The following AAK1 variants were observed in gnomAD, a reference collection of about 807,000 sequenced individuals.
The protein encoded by AAK1 is AP2-associated protein kinase 1.
In AAK1, 37 loss-of-function variants were observed where a neutral mutation model predicts 116.0. The observed-to-expected ratio is 0.32, with a 90% CI of 0.25 to 0.42. AAK1 has a LOEUF of 0.42. Among genes scored for constraint, AAK1 ranks in the 10% least tolerant of loss-of-function variants. AAK1 has a pLI of 1.00. For synonymous variants in AAK1, 458 were observed against 439.9 expected (o/e 1.04, Z -0.51); for missense variants, 919 against 1,170.6 (o/e 0.79, Z 3.14).
chr2:69,468,956 C>T lies in AAK1; in HGVS notation c.*6913G>A, dbSNP rs1674585662. On this transcript the variant is annotated 3_prime_UTR_variant, in exon 22 of 22. Coordinates refer to ENST00000409085, the MANE Select transcript of AAK1 (RefSeq NM_014911.5). ...GGGAAAATCAGACTTAAAATTCCAA[C>T]AACTTTGAATAATTTACAAAAACAG... is the stretch of plus-strand genomic sequence containing the variant. The T allele has an allele frequency of 8.1e-6, 8 of 985,266 alleles. No homozygotes were observed. Among genetic ancestry groups the T allele is most frequent in the Non-Finnish European group, 8.4e-6 (7 of 829,928 alleles). The allele number at this position is 985,266 out of a possible 1,614,324, so 61.0% of individuals were successfully genotyped here. A position where few individuals can be genotyped will look rare whatever the true frequency, so the allele number is the denominator to read the frequency against.
chr2:69,530,252 G>C (rs1209737326), intron 7 of AAK1, 112 bp from the exon 8 acceptor site: 8 of 1,099,480 alleles, frequency 7.3e-6, no homozygotes, highest in Non-Finnish European at 1.0e-5. Context: ...AAAAACTATA[G>C]ACTATTAATG....
At chr2:69,632,442 A>G (rs757344124) in intron 2 of AAK1, among the ~76,000 whole-genome samples, 6 of 152,250 alleles carry the variant, frequency 3.9e-5, no homozygotes, top group Non-Finnish European at 7.3e-5. Flanking sequence ...ACAGCCCTCC[A>G]CAACAAAGAG....
intron 2 of AAK1, among the ~76,000 whole-genome samples, chr2:69,592,543 G>A (rs897901469): frequency 1.3e-5 from 2 of 152,196 alleles, no homozygotes; most frequent in African/African-American, 4.8e-5. Context: ...TTTGGAGGTA[G>A]AGATGGTTTT....
intron 2 of AAK1, among the ~76,000 whole-genome samples, chr2:69,596,221 C>CT (rs112330025): frequency 0.091 from 12,578 of 137,994 alleles, 1,347 homozygotes; most frequent in African/African-American, 0.24. Flanking sequence ...GTAATTTTGA[C>CT]TTTTTTTTTT....
intron 2 of AAK1, among the ~76,000 whole-genome samples, chr2:69,608,596 C>T (rs942860275): frequency 1.3e-5 from 2 of 151,952 alleles, no homozygotes; most frequent in African/African-American, 2.4e-5. Flanking sequence ...TAAATAGTAA[C>T]GGAGGAAAGG....
In AAK1 at chr2:69,636,863, C is replaced by A. The variant is rs548712587; in HGVS notation, c.163+6015G>T. 3.9e-5 allele frequency among the ~76,000 whole-genome samples: 6 copies of A among 152,200 alleles called. No homozygotes were observed. In the East Asian group the frequency reaches 1.2e-3, roughly 29 times the overall value. ...TACAGGTAGCCGCCACCACGCCCGG[C>A]TAATTTTTGTGTGTTTACTAGAGAC... On this transcript the variant is annotated intron_variant, in intron 2 of 21. Transcript: ENST00000409085.
At chr2:69,569,228 T>C (rs916381925) in intron 2 of AAK1, among the ~76,000 whole-genome samples, 13 of 152,176 alleles carry the variant, frequency 8.5e-5, no homozygotes, top group African/African-American at 3.1e-4. Context: ...CCCCATTTTA[T>C]TATGAAAAAT....
chr2:69,511,770 T>C (rs1676404800), intron 13 of AAK1, among the ~76,000 whole-genome samples: 1 of 152,146 alleles, frequency 6.6e-6, no homozygotes, highest in Non-Finnish European at 1.5e-5. Flanking sequence ...GGAAAGGAGT[T>C]GGATAGTTTT....
In AAK1 at chr2:69,470,471, G is replaced by A. The variant is rs929683552; in HGVS notation, c.*5398C>T. 2.2e-5 allele frequency: 22 copies of A among 985,242 alleles called. No individual in the cohort carries two copies. Among genetic ancestry groups the A allele is most frequent in the Non-Finnish European group, 2.5e-5 (21 of 829,924 alleles). The allele number at this position is 985,242 out of a possible 1,614,324, so 61.0% of individuals were successfully genotyped here. ...ATTAGGTAGCTGCATTAAAACCCAC[G>A]ACTGGGAAATGAGGGACCTCATGGA... is the stretch of plus-strand genomic sequence containing the variant. On this transcript the variant is annotated 3_prime_UTR_variant, in exon 22 of 22. Transcript: ENST00000409085.
At chr2:69,485,297 T>C (rs1441116916) in intron 17 of AAK1, among the ~76,000 whole-genome samples, 1 of 152,242 alleles carries the variant, frequency 6.6e-6, no homozygotes, top group Non-Finnish European at 1.5e-5. Flanking sequence ...AACCTCAGGC[T>C]AGCATTCTTT....
At position 69,538,549 on chromosome 2, in the gene AAK1, T is replaced by C. The variant is rs142516667; in HGVS notation, c.534+3974A>G. 1.1e-3 allele frequency among the ~76,000 whole-genome samples: 167 copies of C among 152,326 alleles called. 1 individual carries two copies. The highest frequency in any genetic ancestry group is 3.9e-3 in the African/African-American group (163 of 41,564). ...GTTATTTACTGGTATGACATGACTA[T>C]CATTCAGGCTTCATTTAATCCAGTA... is the stretch of plus-strand genomic sequence containing the variant. On this transcript the variant is annotated intron_variant, in intron 5 of 21. Transcript: ENST00000409085.
At chr2:69,524,409 CTTTTT>C (rs1312119868) in intron 10 of AAK1, among the ~76,000 whole-genome samples, 77 of 135,428 alleles carry the variant, frequency 5.7e-4, no homozygotes, top group African/African-American at 2.2e-3. Context: ...TAGCAACATT[CTTTTT>C]TTGTTTTGTT....
At chr2:69,542,458 TC>T in intron 5 of AAK1, 64 bp downstream of exon 5, 1 of 1,583,332 alleles carries the variant, frequency 6.3e-7, no homozygotes, top group East Asian at 2.2e-5. Flanking sequence ...CAGTATCTAC[TC>T]CATCCCTGGG....
chr2:69,583,623 A>G (rs935191739), intron 2 of AAK1, among the ~76,000 whole-genome samples: 4 of 152,356 alleles, frequency 2.6e-5, no homozygotes, highest in African/African-American at 9.6e-5. Flanking sequence ...TTCATGGCTG[A>G]AAGTCCAAAG....
In AAK1 at chr2:69,495,991, C is replaced by T. The variant is rs754538236; in HGVS notation, c.2359G>A (p.Ala787Thr). 13 of 1,552,878 alleles carry T rather than the reference C, an allele frequency of 8.4e-6. No individual in the cohort carries two copies. Among genetic ancestry groups the T allele is most frequent in the East Asian group, 2.4e-5 (1 of 41,066 alleles). The change falls in exon 17 of 22, where the codon GCA becomes ACA. Residue 787 changes from alanine to threonine, a missense_variant. By Grantham distance (58) the Ala-to-Thr change is moderately conservative. Transcript: ENST00000409085. ...DPFIPLQVPD[A>T]PEKLIEGLKS... The stretch of plus-strand genomic sequence containing the variant: ...AACAGTTCTGTTCACCTACCTGGTG[C>T]ATCAGGTACTTGAAGAGGAATGAAA...
chr2:69,480,398 C>T (rs1475802320), intron 19 of AAK1, among the ~76,000 whole-genome samples: 1 of 151,966 alleles, frequency 6.6e-6, no homozygotes, highest in Non-Finnish European at 1.5e-5. Context: ...TACAATTTTA[C>T]AGCAAATTAC....
rs1673574314 is a variant in AAK1 at position 69,601,410 on chromosome 2, G to A, written c.163+41468C>T. Among the ~76,000 whole-genome samples the A allele has an allele frequency of 3.9e-5, 6 of 152,216 alleles. No individual in the cohort carries two copies. The South Asian group carries it at 1.2e-3, about 31-fold the overall frequency. On this transcript the variant is annotated intron_variant, in intron 2 of 21. Transcript: ENST00000409085. ...TGTTTATAGGTGATTCAGCACAGAG[G>A]CAGTTTATTGGGACTCCAATTGACA...
At chr2:69,546,247 T>G (rs558763938) in intron 3 of AAK1, among the ~76,000 whole-genome samples, 3 of 152,186 alleles carry the variant, frequency 2.0e-5, no homozygotes, top group Non-Finnish European at 2.9e-5. Flanking sequence ...TGTATAGGAA[T>G]GACAAAGAAG....
chr2:69,572,444 C>T (rs895630855), intron 2 of AAK1, among the ~76,000 whole-genome samples: 5 of 151,698 alleles, frequency 3.3e-5, no homozygotes, highest in Non-Finnish European at 5.9e-5. Flanking sequence ...ATGGAGAAAC[C>T]CCTGTCTCTA....
Sources: allele counts gnomAD v4.1 joint callset (sites outside exome capture counted in the v4.1 genomes callset), GRCh38; gene constraint gnomAD v4.1.1; transcripts MANE v1.5; gene names NCBI Gene and HGNC (gene_info 2026-07-23, HGNC 2026-07-21).